ZNF329: variants seen among roughly 807,000 people sequenced by gnomAD.
ZNF329 encodes the protein zinc finger protein 329.
Under a neutral mutation model 26.6 loss-of-function variants are expected in ZNF329, and 15 were observed. The ratio of observed to expected loss-of-function variants is 0.56; its 90% CI spans 0.38 to 0.87. The LOEUF (loss-of-function observed/expected upper bound fraction) is 0.87, where lower values mean the gene tolerates loss of function less well. ZNF329 is among the 40% of genes least tolerant of loss of function. The probability of loss-of-function intolerance (pLI) is 0.00; values close to 1 mark genes in which losing one functional copy is unlikely to be tolerated. For synonymous variants in ZNF329, 239 were observed against 233.5 expected, an observed-to-expected ratio of 1.02 and a Z score of -0.21; for missense variants, 651 against 651.9, an observed-to-expected ratio of 1.00 and a Z score of 0.02.
At position 58,147,560 on chromosome 19, in the gene ZNF329, C is replaced by T. The variant is rs565380744; in HGVS notation, c.-208+3192G>A. On this transcript the variant is annotated intron_variant, in intron 1 of 3. Coordinates refer to ENST00000598312, the MANE Select transcript of ZNF329 (RefSeq NM_024620.4). ...GGGAGGGAGGTGGGGGGGTCAGCCC[C>T]CCGCCCGGCCAGCCGCCCCGTCCGG... Among the ~76,000 whole-genome samples the T allele has an allele frequency of 1.8e-4, 25 of 141,542 alleles. 1 individual carries two copies. In the South Asian group the frequency reaches 3.3e-3, roughly 19 times the overall value. 92.9% of individuals were successfully genotyped at this position (141,542 alleles called of 152,430 possible). A position where few individuals can be genotyped will look rare whatever the true frequency, so the allele number is the denominator to read the frequency against.
intron 1 of ZNF329, among the ~76,000 whole-genome samples, chr19:58,150,517 C>T (rs553530960): frequency 9.0e-4 from 137 of 152,380 alleles, no homozygotes; most frequent in African/African-American, 3.2e-3. Context: ...CCGGAGCGAC[C>T]TCGTCCTCAG....
At chr19:58,135,348 G>A (rs2075040980) in intron 3 of ZNF329, among the ~76,000 whole-genome samples, 1 of 151,848 alleles carries the variant, frequency 6.6e-6, no homozygotes, top group Admixed American at 6.6e-5. Flanking sequence ...TCGGCTCATT[G>A]CAACCTCTAC....
chr19:58,153,868 C>G (rs1397153866), upstream of ZNF329, among the ~76,000 whole-genome samples: 1 of 152,058 alleles, frequency 6.6e-6, no homozygotes, highest in Admixed American at 6.6e-5. Flanking sequence ...ACCACCATGC[C>G]TGGCTAATTT....
Position 58,128,169 on chromosome 19 carries a change from G to C in ZNF329, c.1335C>G (p.His445Gln), listed in dbSNP as rs774758618. Residue 445 changes from histidine to glutamine, a missense_variant, in exon 4 of 4, where the codon CAC (histidine) becomes CAG (glutamine). Physicochemically the swap from His to Gln is conservative, Grantham distance 24. Coordinates refer to ENST00000598312, the MANE Select transcript of ZNF329 (RefSeq NM_024620.4). ...LFRNIAGLIRHQRTHTGEKPY... is the reference protein window; with the variant it reads ...LFRNIAGLIRQQRTHTGEKPY... Reference sequence around the variant, plus strand: ...GCTTCTCACCAGTATGAGTCCTCTGGTGCCTAATGAGGCCAGCGATATTCC... The same window carrying C: ...GCTTCTCACCAGTATGAGTCCTCTGCTGCCTAATGAGGCCAGCGATATTCC... 1.1e-5 allele frequency: 18 copies of C among 1,584,304 alleles called. No individual in the cohort carries two copies. The highest frequency in any genetic ancestry group is 1.5e-5 in the Non-Finnish European group (17 of 1,166,280).
chr19:58,144,079 C>T (rs2075245759), intron 1 of ZNF329, among the ~76,000 whole-genome samples: 1 of 151,610 alleles, frequency 6.6e-6, no homozygotes, highest in Admixed American at 6.6e-5. Flanking sequence ...GAGACTCAGT[C>T]TCAAAAAATA....
chr19:58,133,598 C>T (rs1320667023), intron 3 of ZNF329, among the ~76,000 whole-genome samples: 1 of 151,150 alleles, frequency 6.6e-6, no homozygotes, highest in Non-Finnish European at 1.5e-5. Flanking sequence ...TTCAGAAAAG[C>T]AAAAGCAGAG....
chr19:58,144,861 T>C (rs1431756573), intron 1 of ZNF329, among the ~76,000 whole-genome samples: 1 of 149,796 alleles, frequency 6.7e-6, no homozygotes, highest in African/African-American at 2.5e-5. Context: ...TTTTTTTTTT[T>C]TTTTTTGATA....
intron 1 of ZNF329, among the ~76,000 whole-genome samples, chr19:58,148,859 T>C (rs2146137573): frequency 6.6e-6 from 1 of 152,298 alleles, no homozygotes; most frequent in African/African-American, 2.4e-5. Context: ...ACACCTGCTG[T>C]GTGTACAAGT....
Position 58,144,352 on chromosome 19 carries a change from A to ATATCTATC in ZNF329, c.-207-1162_-207-1155dup, listed in dbSNP as rs112779820. The stretch of plus-strand genomic sequence containing the variant: ...ACCACACGCAGCTAATTTTACATCT[A>ATATCTATC]TATCTATCTATCTATCTATCTATCT... On this transcript the variant is annotated intron_variant, in intron 1 of 3. Transcript: ENST00000598312. Among the ~76,000 whole-genome samples, 212 of 132,436 alleles carry ATATCTATC rather than the reference A, an allele frequency of 1.6e-3. 2 individuals carry two copies. The highest frequency in any genetic ancestry group is 0.011 in the East Asian group (50 of 4,586). The allele number at this position is 132,436 out of a possible 152,430, so 86.9% of individuals were successfully genotyped here.
intron 1 of ZNF329, among the ~76,000 whole-genome samples, chr19:58,149,916 T>C (rs1172241574): frequency 1.3e-5 from 2 of 152,138 alleles, no homozygotes; most frequent in Non-Finnish European, 2.9e-5. Context: ...GAGGGAGAAG[T>C]GTTGTGATAT....
intron 3 of ZNF329, chr19:58,132,627 A>G (rs1295964950): frequency 2.0e-5 from 3 of 151,146 alleles, no homozygotes; most frequent in African/African-American, 7.3e-5. Context: ...TTGCAGTGAG[A>G]CAAGATTATA....
In ZNF329 at chr19:58,126,478, C is replaced by A. The variant is rs980965143; in HGVS notation, c.*1400G>T. 1.3e-5 allele frequency: 2 copies of A among 152,090 alleles called. No individual in the cohort carries two copies. Among genetic ancestry groups the A allele is most frequent in the Admixed American group, 1.3e-4 (2 of 15,266 alleles). 9.4% of individuals were successfully genotyped at this position (152,090 alleles called of 1,614,324 possible). A position where few individuals can be genotyped will look rare whatever the true frequency, so the allele number is the denominator to read the frequency against. On this transcript the variant is annotated 3_prime_UTR_variant, in exon 4 of 4. Coordinates refer to ENST00000598312, the MANE Select transcript of ZNF329 (RefSeq NM_024620.4). ...CATATTATAAACATTTTCAACATGG[C>A]AATAAAACCTTTATAATGGTTCACA...
intron 1 of ZNF329, among the ~76,000 whole-genome samples, chr19:58,144,394 A>T (rs1270247727): frequency 0.017 from 1,965 of 113,476 alleles, 51 homozygotes; most frequent in Admixed American, 0.061. Flanking sequence ...ATATATATAT[A>T]TATTTTTTTT....
chr19:58,130,673 CAAAAAAA>C (rs11394563), intron 3 of ZNF329, among the ~76,000 whole-genome samples: 1 of 88,202 alleles, frequency 1.1e-5, no homozygotes, highest in African/African-American at 4.4e-5. Context: ...GACTCCGTCT[CAAAAAAA>C]AAAAAAAAAA....
At chr19:58,146,468 CAT>C (rs564575543) in intron 1 of ZNF329, among the ~76,000 whole-genome samples, 336 of 139,618 alleles carry the variant, frequency 2.4e-3, no homozygotes, top group Admixed American at 4.0e-3. Context: ...AGTAAGATTC[CAT>C]CTTTAAAAAA....
upstream of ZNF329, among the ~76,000 whole-genome samples, chr19:58,153,455 T>G (rs867079962): frequency 2.0e-4 from 30 of 152,282 alleles, no homozygotes; most frequent in Middle Eastern, 0.024. Flanking sequence ...TCTTTTTCTG[T>G]GAAAAGCCCA....
upstream of ZNF329, among the ~76,000 whole-genome samples, chr19:58,153,504 T>G (rs1017749845): frequency 2.0e-5 from 3 of 152,224 alleles, no homozygotes; most frequent in Non-Finnish European, 4.4e-5. Context: ...ATAAGGTCTC[T>G]GCCATGACTA....
intron 3 of ZNF329, among the ~76,000 whole-genome samples, chr19:58,131,455 TAAG>T (rs1250194569): frequency 6.6e-6 from 1 of 151,996 alleles, no homozygotes; most frequent in Non-Finnish European, 1.5e-5. Flanking sequence ...AGACAAGGAT[TAAG>T]AAGTCTGATA....
chr19:58,137,095 T>G (rs1600070037), intron 3 of ZNF329: 1 of 149,150 alleles, frequency 6.7e-6, no homozygotes, highest in Admixed American at 6.7e-5. Flanking sequence ...ATGTAAAAAA[T>G]GGGACTTTTT....
Sources: allele counts gnomAD v4.1 joint callset (sites outside exome capture counted in the v4.1 genomes callset), GRCh38; gene constraint gnomAD v4.1.1; transcripts MANE v1.5; gene names NCBI Gene and HGNC (gene_info 2026-07-23, HGNC 2026-07-21).